Variants in FAM200B observed in about 807,000 individuals in gnomAD.
FAM200B encodes protein FAM200B.
In FAM200B, 32 loss-of-function variants were observed where a neutral mutation model predicts 33.1. The observed-to-expected ratio is 0.97, with a 90% CI of 0.73 to 1.30. The LOEUF (loss-of-function observed/expected upper bound fraction) is 1.30, where lower values mean the gene tolerates loss of function less well. FAM200B is among the 50% of genes most tolerant of loss of function. The pLI is 0.00. For missense variants in FAM200B, 741 were observed against 754.0 expected (o/e 0.98, Z 0.20); for synonymous variants, 240 against 264.8 (o/e 0.91, Z 0.91).
At chr4:15,681,180 T>C (rs1281795954), upstream of FAM200B, 1 of 152,146 alleles carries the variant, frequency 6.6e-6, no homozygotes, top group Non-Finnish European at 1.5e-5. Flanking sequence ...AGGAATACTA[T>C]GATTATTAAA....
chr4:15,681,237 G>A (rs913913986), upstream of FAM200B: 5 of 152,246 alleles, frequency 3.3e-5, no homozygotes, highest in Admixed American at 1.3e-4. Flanking sequence ...TGATATCAAA[G>A]TTCAAAATTC....
the FAM200B span, chr4:15,640,853 G>A: frequency 6.4e-7 from 1 of 1,550,440 alleles, no homozygotes; most frequent in Non-Finnish European, 8.7e-7. Flanking sequence ...TCTTTCAGTT[G>A]TTTTGCATAA....
At chr4:15,669,600 TC>T in the FAM200B span, among the ~76,000 whole-genome samples, 1 of 152,078 alleles carries the variant, frequency 6.6e-6, no homozygotes, top group Admixed American at 6.6e-5. Context: ...TAATAAATAC[TC>T]CCCTTTTACC....
chr4:15,664,169 T>G, the FAM200B span, among the ~76,000 whole-genome samples: 1 of 152,184 alleles, frequency 6.6e-6, no homozygotes, highest in Non-Finnish European at 1.5e-5. Flanking sequence ...AAGCTTTCAT[T>G]TTTCCATCAC....
chr4:15,680,719 A>T (rs1344620428), upstream of FAM200B, among the ~76,000 whole-genome samples: 3 of 152,058 alleles, frequency 2.0e-5, no homozygotes, highest in East Asian at 1.9e-4. Context: ...AAAAATTTTT[A>T]AAAATTTGAC....
At chr4:15,659,179 C>T in the FAM200B span, among the ~76,000 whole-genome samples, 1 of 152,158 alleles carries the variant, frequency 6.6e-6, no homozygotes, top group Non-Finnish European at 1.5e-5. Flanking sequence ...AAGTACCTGA[C>T]ATTATGTAAT....
chr4:15,673,834 G>C, the FAM200B span, among the ~76,000 whole-genome samples: 32 of 152,268 alleles, frequency 2.1e-4, no homozygotes, highest in African/African-American at 7.0e-4. Flanking sequence ...CCACTAGGCT[G>C]CATATGTTCC....
chr4:15,680,852 A>G, upstream of FAM200B, among the ~76,000 whole-genome samples: 1 of 149,154 alleles, frequency 6.7e-6, no homozygotes, highest in East Asian at 1.9e-4. Flanking sequence ...GGTAGAATTT[A>G]AAAAAAAACT....
the FAM200B span, among the ~76,000 whole-genome samples, chr4:15,668,709 G>A: frequency 1.3e-5 from 2 of 151,888 alleles, no homozygotes; most frequent in East Asian, 1.9e-4. Flanking sequence ...TGAACTCACT[G>A]ACAAAGGAAA....
chr4:15,651,077 T>C, the FAM200B span, among the ~76,000 whole-genome samples: 1 of 152,162 alleles, frequency 6.6e-6, no homozygotes, highest in Non-Finnish European at 1.5e-5. Flanking sequence ...CAAAAACACA[T>C]ATATTATTCC....
the FAM200B span, among the ~76,000 whole-genome samples, chr4:15,668,788 T>A: frequency 2.0e-5 from 3 of 152,246 alleles, no homozygotes; most frequent in Admixed American, 2.0e-4. Flanking sequence ...AGCCTTATTA[T>A]CATCATTAAA....
chr4:15,652,356 T>G, the FAM200B span, among the ~76,000 whole-genome samples: 1 of 152,202 alleles, frequency 6.6e-6, no homozygotes, highest in South Asian at 2.1e-4. Flanking sequence ...AATCTACCAC[T>G]AGCTGCTTAT....
chr4:15,660,670 A>G, the FAM200B span, among the ~76,000 whole-genome samples: 16 of 152,332 alleles, frequency 1.1e-4, no homozygotes, highest in Admixed American at 3.9e-4. Flanking sequence ...CTTTTGAGTG[A>G]TAAAAGGTGC....
the FAM200B span, chr4:15,644,827 A>T: frequency 1.5e-6 from 1 of 667,828 alleles, no homozygotes; most frequent in Non-Finnish European, 2.5e-6. Flanking sequence ...ACACTTGGTT[A>T]AAGTACAAAT....
chr4:15,683,538 AAG>A (rs1229264269), intron 1 of FAM200B, among the ~76,000 whole-genome samples: 8 of 152,246 alleles, frequency 5.3e-5, no homozygotes, highest in Non-Finnish European at 8.8e-5. Flanking sequence ...AATTGCTTCT[AAG>A]AGATAAATGA....
upstream of FAM200B, among the ~76,000 whole-genome samples, chr4:15,679,166 G>C (rs1718106232): frequency 6.7e-6 from 1 of 150,332 alleles, no homozygotes; most frequent in East Asian, 2.0e-4. Context: ...GGGTTCAAGC[G>C]ATTCTCCTGC....
chr4:15,646,159 T>C, the FAM200B span, among the ~76,000 whole-genome samples: 6 of 152,354 alleles, frequency 3.9e-5, no homozygotes, highest in Admixed American at 2.6e-4. Flanking sequence ...AAAGTAGTCA[T>C]AGACAACATG....
At chr4:15,655,261 G>A in the FAM200B span, 18 of 1,439,442 alleles carry the variant, frequency 1.3e-5, no homozygotes, top group Middle Eastern at 1.9e-4. Context: ...CGGTGAAGAC[G>A]TCCACTTCTT....
At chr4:15,650,649 A>AT in the FAM200B span, among the ~76,000 whole-genome samples, 3 of 144,968 alleles carry the variant, frequency 2.1e-5, no homozygotes, top group African/African-American at 7.6e-5. Context: ...AAAAGGATTT[A>AT]TAACTGACTT....
Sources: allele counts gnomAD v4.1 joint callset (sites outside exome capture counted in the v4.1 genomes callset), GRCh38; gene constraint gnomAD v4.1.1; transcripts MANE v1.5; gene names NCBI Gene and HGNC (gene_info 2026-07-23, HGNC 2026-07-21).